Variants in ATP8A2 observed in about 807,000 individuals in gnomAD.
ATP8A2 encodes the protein ATPase phospholipid transporting 8A2.
Under a neutral mutation model 165.6 loss-of-function variants are expected in ATP8A2, and 100 were observed. The observed-to-expected ratio is 0.60, with a 90% CI of 0.51 to 0.71. The LOEUF (loss-of-function observed/expected upper bound fraction) is 0.71, where lower values mean the gene tolerates loss of function less well. Among genes scored for constraint, ATP8A2 ranks in the 30% least tolerant of loss-of-function variants. The pLI is 0.00. For synonymous variants in ATP8A2, 543 were observed against 548.8 expected (o/e 0.99, Z 0.15); for missense variants, 1,227 against 1,479.5 (o/e 0.83, Z 2.80).
chr13:25,870,291 G>C (rs914733599), intron 33 of ATP8A2, among the ~76,000 whole-genome samples: 4 of 152,058 alleles, frequency 2.6e-5, no homozygotes, highest in Non-Finnish European at 5.9e-5. Flanking sequence ...TTTTTGTATA[G>C]GCACAGGATA....
At chr13:25,415,403 A>G (rs969543689) in intron 1 of ATP8A2, among the ~76,000 whole-genome samples, 2 of 152,172 alleles carry the variant, frequency 1.3e-5, no homozygotes, top group African/African-American at 4.8e-5. Context: ...AGCCACTGTC[A>G]TCACTCAACT....
chr13:26,007,069 C>A (rs919552546), intron 35 of ATP8A2, among the ~76,000 whole-genome samples: 6 of 149,542 alleles, frequency 4.0e-5, no homozygotes, highest in Admixed American at 6.7e-5. Context: ...CTCATTATTT[C>A]AGAATTAACC....
intron 24 of ATP8A2, among the ~76,000 whole-genome samples, chr13:25,607,469 A>C (rs938336271): frequency 2.0e-5 from 3 of 152,202 alleles, no homozygotes; most frequent in African/African-American, 4.8e-5. Context: ...GTTGAAAATA[A>C]CGTTTAGTAC....
At chr13:25,504,436 TTTTTTTA>T (rs2137720858) in intron 2 of ATP8A2, among the ~76,000 whole-genome samples, 1 of 149,720 alleles carries the variant, frequency 6.7e-6, no homozygotes, top group African/African-American at 2.4e-5. Context: ...TTTTTTTTTT[TTTTTTTA>T]AAAAGTATAC....
intron 24 of ATP8A2, among the ~76,000 whole-genome samples, chr13:25,685,374 C>T (rs181688451): frequency 6.6e-6 from 1 of 152,334 alleles, no homozygotes; most frequent in Non-Finnish European, 1.5e-5. Flanking sequence ...GCAAGCCAGG[C>T]TGTGCCCTCG....
intron 24 of ATP8A2, among the ~76,000 whole-genome samples, chr13:25,594,445 G>A (rs2040178207): frequency 1.3e-5 from 2 of 151,998 alleles, no homozygotes; most frequent in African/African-American, 2.4e-5. Context: ...TATTTCTATA[G>A]GTTATTAGTG....
intron 35 of ATP8A2, among the ~76,000 whole-genome samples, chr13:26,001,354 T>C (rs1956628117): frequency 6.6e-6 from 1 of 152,208 alleles, no homozygotes; most frequent in Non-Finnish European, 1.5e-5. Context: ...TGTACTGGTA[T>C]CTGTCTGAGT....
intron 27 of ATP8A2, among the ~76,000 whole-genome samples, chr13:25,820,539 A>G (rs1951152379): frequency 1.3e-5 from 2 of 152,198 alleles, no homozygotes; most frequent in Non-Finnish European, 2.9e-5. Context: ...CTGCACGTCA[A>G]ATGGGGGACG....
chr13:25,637,619 C>G (rs1321774784), intron 24 of ATP8A2, among the ~76,000 whole-genome samples: 1 of 152,140 alleles, frequency 6.6e-6, no homozygotes, highest in African/African-American at 2.4e-5. Context: ...GAAGCTCAAA[C>G]TGTGTGGAGC....
At chr13:25,453,162 T>C (rs2137451406) in intron 1 of ATP8A2, among the ~76,000 whole-genome samples, 1 of 152,006 alleles carries the variant, frequency 6.6e-6, no homozygotes, top group Middle Eastern at 3.4e-3. Context: ...TTTTCGCTCT[T>C]GTTGCCCAGG....
intron 30 of ATP8A2, among the ~76,000 whole-genome samples, chr13:25,843,048 T>TA (rs35286142): frequency 0.36 from 55,352 of 151,946 alleles, 10,556 homozygotes; most frequent in Admixed American, 0.43. Flanking sequence ...ATCTACAAGG[T>TA]AAGAGGCTCT....
At chr13:25,771,715 A>G (rs539314385) in intron 26 of ATP8A2, among the ~76,000 whole-genome samples, 40 of 152,180 alleles carry the variant, frequency 2.6e-4, no homozygotes, top group African/African-American at 8.7e-4. Context: ...GTGCACCCTC[A>G]TTTCTCCTGT....
chr13:25,637,160 A>G (rs1348611314), intron 24 of ATP8A2, among the ~76,000 whole-genome samples: 4 of 149,646 alleles, frequency 2.7e-5, no homozygotes, highest in Non-Finnish European at 4.5e-5. Context: ...GCACAGATTG[A>G]GTCTATAGCT....
intron 28 of ATP8A2, among the ~76,000 whole-genome samples, chr13:25,835,574 G>A (rs753254146): frequency 7.2e-5 from 11 of 152,042 alleles, no homozygotes; most frequent in Non-Finnish European, 1.6e-4. Context: ...TTTGAGGGAC[G>A]CTCAGCAGCA....
At chr13:25,784,812 C>T (rs2044982198) in intron 27 of ATP8A2, among the ~76,000 whole-genome samples, 2 of 152,010 alleles carry the variant, frequency 1.3e-5, no homozygotes, top group South Asian at 4.2e-4. Context: ...GTCACCCAGG[C>T]TGGAGTGCAA....
At chr13:25,927,007 G>T in intron 33 of ATP8A2, 1 of 395,974 alleles carries the variant, frequency 2.5e-6, no homozygotes, top group South Asian at 1.8e-5. Flanking sequence ...ATCCTGCTGT[G>T]CCTCCCGCTC....
intron 25 of ATP8A2, among the ~76,000 whole-genome samples, chr13:25,744,221 T>A (rs900856476): frequency 6.6e-6 from 1 of 152,246 alleles, no homozygotes. Context: ...TTTTACTTAC[T>A]TAATCCTGAA....
chr13:25,712,252 T>G (rs986996204), intron 25 of ATP8A2, among the ~76,000 whole-genome samples: 1 of 152,108 alleles, frequency 6.6e-6, no homozygotes, highest in African/African-American at 2.4e-5. Flanking sequence ...TCCACAGAGT[T>G]CCCCATTAGA....
chr13:25,378,756 C>G (rs1379508137), intron 1 of ATP8A2, among the ~76,000 whole-genome samples: 1 of 152,232 alleles, frequency 6.6e-6, no homozygotes, highest in African/African-American at 2.4e-5. Context: ...GTCTCCGGCC[C>G]TGCTGTCCTA....
Sources: allele counts gnomAD v4.1 joint callset (sites outside exome capture counted in the v4.1 genomes callset), GRCh38; gene constraint gnomAD v4.1.1; transcripts MANE v1.5; gene names NCBI Gene and HGNC (gene_info 2026-07-23, HGNC 2026-07-21).